The following MAN1A2 variants were observed in gnomAD, a reference collection of about 807,000 sequenced individuals.
The protein encoded by MAN1A2 is mannosidase alpha class 1A member 2, also known as mannosyl-oligosaccharide 1,2-alpha-mannosidase IB.
MAN1A2 carries 26 observed loss-of-function variants against 75.7 expected under a neutral mutation model. The ratio of observed to expected loss-of-function variants is 0.34; its 90% CI spans 0.25 to 0.48. The LOEUF (loss-of-function observed/expected upper bound fraction) is 0.48, where lower values mean the gene tolerates loss of function less well. MAN1A2 is among the 20% of genes least tolerant of loss of function. The probability of loss-of-function intolerance (pLI) is 0.99; values close to 1 mark genes in which losing one functional copy is unlikely to be tolerated. For synonymous variants in MAN1A2, 247 were observed against 264.6 expected (o/e 0.93, Z 0.65); for missense variants, 562 against 775.5 (o/e 0.72, Z 3.27).
chr1:117,482,301 C>G (rs1650522476), intron 8 of MAN1A2, among the ~76,000 whole-genome samples: 1 of 151,986 alleles, frequency 6.6e-6, no homozygotes, highest in Admixed American at 6.6e-5. Context: ...ACACTGTCTT[C>G]CACAATGGTT....
chr1:117,440,490 G>A (rs575350122), intron 5 of MAN1A2, among the ~76,000 whole-genome samples: 152 of 152,074 alleles, frequency 1.0e-3, no homozygotes, highest in African/African-American at 3.3e-3. Context: ...TCTGAAAATA[G>A]GGAAGATAAG....
intron 5 of MAN1A2, among the ~76,000 whole-genome samples, chr1:117,426,292 T>A (rs573881165): frequency 1.3e-5 from 2 of 152,222 alleles, no homozygotes; most frequent in African/African-American, 4.8e-5. Context: ...TGGTTTTTAC[T>A]TTGTGTGTGT....
intron 5 of MAN1A2, among the ~76,000 whole-genome samples, chr1:117,423,307 C>A (rs574051600): frequency 3.3e-5 from 5 of 152,252 alleles, no homozygotes; most frequent in South Asian, 4.1e-4. Flanking sequence ...GTCTTGAAAT[C>A]AGGTTGTGTG....
chr1:117,398,617 T>G (rs1470788575), intron 1 of MAN1A2, among the ~76,000 whole-genome samples: 1 of 149,858 alleles, frequency 6.7e-6, no homozygotes, highest in Non-Finnish European at 1.5e-5. Context: ...GAGGTTGCAG[T>G]GAGCCGAGAT....
intron 8 of MAN1A2, among the ~76,000 whole-genome samples, chr1:117,484,940 A>G (rs1011374185): frequency 6.6e-6 from 1 of 151,948 alleles, no homozygotes; most frequent in Non-Finnish European, 1.5e-5. Context: ...CATTGTTGCA[A>G]ATCTTAAAGA....
chr1:117,453,102 G>A (rs995729587), intron 6 of MAN1A2, among the ~76,000 whole-genome samples: 1 of 152,150 alleles, frequency 6.6e-6, no homozygotes, highest in African/African-American at 2.4e-5. Context: ...GAAACCTACT[G>A]CTAAGCAAAA....
intron 6 of MAN1A2, among the ~76,000 whole-genome samples, chr1:117,452,785 G>A (rs1479140017): frequency 7.9e-5 from 12 of 152,198 alleles, no homozygotes; most frequent in Admixed American, 7.2e-4. Context: ...ATCTAGCTAA[G>A]GTAATTGTTG....
At chr1:117,520,879 G>A (rs1386473010) in intron 12 of MAN1A2, among the ~76,000 whole-genome samples, 1 of 151,902 alleles carries the variant, frequency 6.6e-6, no homozygotes, top group Non-Finnish European at 1.5e-5. Context: ...TAAGCAAAAA[G>A]AACAAATCTG....
At chr1:117,499,670 T>A in intron 11 of MAN1A2, 116 bp downstream of exon 11, 1 of 608,818 alleles carries the variant, frequency 1.6e-6, no homozygotes, top group Non-Finnish European at 2.5e-6. Context: ...CAGTTTTTAT[T>A]TATCTGATGA....
At chr1:117,503,795 A>G (rs904382196) in intron 12 of MAN1A2, among the ~76,000 whole-genome samples, 11 of 151,570 alleles carry the variant, frequency 7.3e-5, no homozygotes, top group Non-Finnish European at 1.2e-4. Context: ...ACATTCTAGT[A>G]TACTTGTAGT....
At chr1:117,465,462 A>G (rs895423592) in intron 7 of MAN1A2, among the ~76,000 whole-genome samples, 2 of 152,194 alleles carry the variant, frequency 1.3e-5, no homozygotes, top group African/African-American at 4.8e-5. Context: ...AAAACTACTT[A>G]AAGACAAAAT....
At chr1:117,455,690 ATTATGC>A (rs1649559872) in intron 6 of MAN1A2, among the ~76,000 whole-genome samples, 1 of 152,080 alleles carries the variant, frequency 6.6e-6, no homozygotes, top group Non-Finnish European at 1.5e-5. Flanking sequence ...GACAACTCAA[ATTATGC>A]TTATGCAGTT....
chr1:117,377,373 A>C (rs992688511), intron 1 of MAN1A2, among the ~76,000 whole-genome samples: 2 of 152,200 alleles, frequency 1.3e-5, no homozygotes, highest in Non-Finnish European at 2.9e-5. Context: ...CGTTGGTGTA[A>C]ATGTAAATTA....
chr1:117,484,621 C>CA (rs1441344609), intron 8 of MAN1A2, among the ~76,000 whole-genome samples: 1 of 151,752 alleles, frequency 6.6e-6, no homozygotes, highest in Admixed American at 6.6e-5. Flanking sequence ...CACTGCATAG[C>CA]AAAAAGAGGT....
intron 1 of MAN1A2, among the ~76,000 whole-genome samples, chr1:117,375,915 G>GT (rs33969366): frequency 0.44 from 61,631 of 140,754 alleles, 14,671 homozygotes; most frequent in African/African-American, 0.6. Context: ...ATTAATTTAT[G>GT]TTTTTTTTTT....
At chr1:117,495,724 C>G (rs1401461843) in intron 9 of MAN1A2, among the ~76,000 whole-genome samples, 1 of 151,590 alleles carries the variant, frequency 6.6e-6, no homozygotes, top group Non-Finnish European at 1.5e-5. Context: ...TTTGGAATAC[C>G]TTATATGTGG....
chr1:117,489,080 G>A (rs1377115669), intron 8 of MAN1A2, among the ~76,000 whole-genome samples: 1 of 152,004 alleles, frequency 6.6e-6, no homozygotes, highest in Non-Finnish European at 1.5e-5. Flanking sequence ...TTGGATTATA[G>A]ATTCACCCTG....
At chr1:117,441,798 T>G (rs986239016) in intron 5 of MAN1A2, among the ~76,000 whole-genome samples, 5 of 152,176 alleles carry the variant, frequency 3.3e-5, no homozygotes, top group African/African-American at 1.2e-4. Flanking sequence ...TATCATATGA[T>G]TAAACCTTGA....
intron 6 of MAN1A2, among the ~76,000 whole-genome samples, chr1:117,445,265 A>G (rs977461719): frequency 1.3e-5 from 2 of 152,082 alleles, no homozygotes; most frequent in African/African-American, 4.8e-5. Context: ...ATTTCCTAAT[A>G]CCCTTTGAAA....
Sources: gnomAD v4.1 joint callset for allele counts (sites outside exome capture counted in the v4.1 genomes callset) on GRCh38, gnomAD v4.1.1 for gene constraint, MANE v1.5 for transcripts, NCBI Gene and HGNC (gene_info 2026-07-23, HGNC 2026-07-21) for gene names.